RAB8B: variants seen among roughly 807,000 people sequenced by gnomAD.
RAB8B encodes the protein RAB8B, member RAS oncogene family, also known as ras-related protein Rab-8B.
RAB8B carries 11 observed loss-of-function variants against 32.0 expected under a neutral mutation model. The ratio of observed to expected loss-of-function variants is 0.34; its 90% confidence interval spans 0.22 to 0.57. RAB8B has a LOEUF of 0.57. Among genes scored for constraint, RAB8B ranks in the 20% least tolerant of loss-of-function variants. The pLI is 0.86. For missense variants in RAB8B, 190 were observed against 258.5 expected, an observed-to-expected ratio of 0.73 and a Z score of 1.82; for synonymous variants, 103 against 89.6, an observed-to-expected ratio of 1.15 and a Z score of -0.85.
chr15:63,247,423 C>T (rs8043419), intron 2 of RAB8B, among the ~76,000 whole-genome samples: 12,800 of 152,236 alleles, frequency 0.084, 592 homozygotes, highest in Middle Eastern at 0.14. Context: ...AGAATCTGTC[C>T]AACTACAGTG....
intron 1 of RAB8B, among the ~76,000 whole-genome samples, chr15:63,224,901 G>A (rs1263719207): frequency 6.6e-6 from 1 of 152,170 alleles, no homozygotes; most frequent in Non-Finnish European, 1.5e-5. Context: ...TTAGCCCAAC[G>A]AGGGGAGATC....
intron 1 of RAB8B, among the ~76,000 whole-genome samples, chr15:63,225,815 G>A (rs539553929): frequency 6.6e-6 from 1 of 152,078 alleles, no homozygotes; most frequent in African/African-American, 2.4e-5. Context: ...TTGGCAAGAA[G>A]AATTTAATAT....
chr15:63,233,557 C>T (rs1567016253), intron 1 of RAB8B, among the ~76,000 whole-genome samples: 1 of 151,766 alleles, frequency 6.6e-6, no homozygotes, highest in Non-Finnish European at 1.5e-5. Context: ...AAATTCAAAC[C>T]AAAAAAAGCA....
chr15:63,242,130 T>C (rs1026620874), intron 1 of RAB8B, among the ~76,000 whole-genome samples: 11 of 151,256 alleles, frequency 7.3e-5, no homozygotes, highest in Admixed American at 7.2e-4. Flanking sequence ...TGGTTGTTAG[T>C]GAGGGGAAAT....
chr15:63,240,099 G>A (rs1009993512), intron 1 of RAB8B, among the ~76,000 whole-genome samples: 7 of 152,232 alleles, frequency 4.6e-5, no homozygotes, highest in Middle Eastern at 3.4e-3. Flanking sequence ...GGTTTGCAGT[G>A]TCAGGAGAAT....
At chr15:63,242,301 C>T (rs2038038910) in intron 1 of RAB8B, among the ~76,000 whole-genome samples, 1 of 151,806 alleles carries the variant, frequency 6.6e-6, no homozygotes, top group Non-Finnish European at 1.5e-5. Flanking sequence ...AAAGCTGGAG[C>T]TAGGAAGCAG....
intron 1 of RAB8B, among the ~76,000 whole-genome samples, chr15:63,221,613 A>G (rs1014467467): frequency 2.6e-5 from 4 of 152,100 alleles, no homozygotes; most frequent in African/African-American, 9.7e-5. Context: ...GTGAAGCTAT[A>G]AGACAGTCCT....
chr15:63,219,754 C>A, intron 1 of RAB8B, among the ~76,000 whole-genome samples: 1 of 152,160 alleles, frequency 6.6e-6, no homozygotes, highest in East Asian at 1.9e-4. Flanking sequence ...TCAGACAGAT[C>A]CCTTTTTTTC....
intron 1 of RAB8B, among the ~76,000 whole-genome samples, chr15:63,219,111 C>G (rs1021887019): frequency 6.9e-6 from 1 of 144,198 alleles, no homozygotes; most frequent in Non-Finnish European, 1.5e-5. Flanking sequence ...CCATCCTGGC[C>G]AACACGGTGA....
chr15:63,243,134 G>C (rs933174607), intron 1 of RAB8B, among the ~76,000 whole-genome samples: 1 of 152,192 alleles, frequency 6.6e-6, no homozygotes, highest in Non-Finnish European at 1.5e-5. Context: ...AATAGGGTTT[G>C]AGCACCTATG....
intron 1 of RAB8B, among the ~76,000 whole-genome samples, chr15:63,224,379 A>G (rs916217230): frequency 4.6e-5 from 7 of 152,204 alleles, no homozygotes; most frequent in Non-Finnish European, 8.8e-5. Context: ...AGTTCTTCCT[A>G]GTCTTACTGT....
At chr15:63,205,975 C>T (rs1018373902) in intron 1 of RAB8B, among the ~76,000 whole-genome samples, 1 of 152,218 alleles carries the variant, frequency 6.6e-6, no homozygotes, top group African/African-American at 2.4e-5. Context: ...TCCTGGAGGA[C>T]AGGAACTGTA....
At chr15:63,216,211 A>T (rs2037789932) in intron 1 of RAB8B, among the ~76,000 whole-genome samples, 1 of 145,528 alleles carries the variant, frequency 6.9e-6, no homozygotes, top group African/African-American at 2.5e-5. Flanking sequence ...TTAATTAATT[A>T]ATTAATTAAT....
intron 1 of RAB8B, among the ~76,000 whole-genome samples, chr15:63,204,954 T>TA (rs1338242827): frequency 2.6e-5 from 4 of 151,916 alleles, no homozygotes; most frequent in African/African-American, 9.7e-5. Flanking sequence ...GCTCAGGAGT[T>TA]AGAGACCAGC....
At chr15:63,224,320 G>A (rs1414661011) in intron 1 of RAB8B, among the ~76,000 whole-genome samples, 1 of 152,060 alleles carries the variant, frequency 6.6e-6, no homozygotes, top group African/African-American at 2.4e-5. Context: ...TCTTCAAATG[G>A]CCAAGTACAT....
At chr15:63,234,944 G>A (rs545204291) in intron 1 of RAB8B, among the ~76,000 whole-genome samples, 1 of 152,228 alleles carries the variant, frequency 6.6e-6, no homozygotes, top group African/African-American at 2.4e-5. Context: ...TTTCCTCGAG[G>A]TGGAGAAGAA....
intron 1 of RAB8B, among the ~76,000 whole-genome samples, chr15:63,212,151 AC>A (rs2037753106): frequency 6.6e-6 from 1 of 152,098 alleles, no homozygotes; most frequent in African/African-American, 2.4e-5. Context: ...CCATCTTCCT[AC>A]ACAGTGCGTT....
chr15:63,192,115 A>G (rs944941002), intron 1 of RAB8B, among the ~76,000 whole-genome samples: 2 of 152,102 alleles, frequency 1.3e-5, no homozygotes, highest in Non-Finnish European at 2.9e-5. Flanking sequence ...TCTTCAGTTG[A>G]CGTGGAGGAG....
intron 1 of RAB8B, among the ~76,000 whole-genome samples, chr15:63,199,861 G>GT (rs2037633350): frequency 6.6e-6 from 1 of 152,100 alleles, no homozygotes; most frequent in South Asian, 2.1e-4. Context: ...GATTACAGGT[G>GT]TGAGCCACTG....
Sources: gnomAD v4.1 joint callset for allele counts (sites outside exome capture counted in the v4.1 genomes callset) on GRCh38, gnomAD v4.1.1 for gene constraint, MANE v1.5 for transcripts, NCBI Gene and HGNC (gene_info 2026-07-23, HGNC 2026-07-21) for gene names.